SAMD5: variants seen among roughly 807,000 people sequenced by gnomAD.
The protein encoded by SAMD5 is sterile alpha motif domain containing 5, also known as sterile alpha motif domain-containing protein 5.
SAMD5 carries 13 observed loss-of-function variants against 11.3 expected under a neutral mutation model. That is an observed-to-expected ratio of 1.15 (90% CI 0.75 to 1.83). The LOEUF is 1.83. Among genes scored for constraint, SAMD5 ranks in the 40% most tolerant of loss-of-function variants. The probability of loss-of-function intolerance (pLI) is 0.00; values close to 1 mark genes in which losing one functional copy is unlikely to be tolerated. For synonymous variants in SAMD5, 129 were observed against 111.3 expected (o/e 1.16, Z -1.00); for missense variants, 255 against 239.1 (o/e 1.07, Z -0.44).
chr6:147,551,826 ATATATATATATG>A (rs1034437684), intron 1 of SAMD5, among the ~76,000 whole-genome samples: 5 of 146,404 alleles, frequency 3.4e-5, no homozygotes, highest in African/African-American at 9.9e-5. Context: ...ATATATATAT[ATATATATATATG>A]TATATATGTA....
At chr6:147,803,399 C>A in the SAMD5 span, among the ~76,000 whole-genome samples, 1 of 152,158 alleles carries the variant, frequency 6.6e-6, no homozygotes, top group Non-Finnish European at 1.5e-5. Context: ...TCACATTGGT[C>A]TCCTACACAA....
the SAMD5 span, chr6:147,743,320 A>G: frequency 6.6e-6 from 1 of 152,250 alleles, no homozygotes; most frequent in Non-Finnish European, 1.5e-5. Flanking sequence ...ATCCTGGCTA[A>G]CATGGTGAAA....
chr6:147,870,470 G>GTA, the SAMD5 span, among the ~76,000 whole-genome samples: 2 of 122,572 alleles, frequency 1.6e-5, no homozygotes, highest in Non-Finnish European at 3.6e-5. Flanking sequence ...GTGTGTGTGT[G>GTA]TGTGTGTGTG....
the SAMD5 span, among the ~76,000 whole-genome samples, chr6:147,850,899 G>A: frequency 1.3e-5 from 2 of 151,172 alleles, no homozygotes; most frequent in Non-Finnish European, 2.9e-5. Flanking sequence ...TTACTTAATG[G>A]GCCCCAAAGT....
At chr6:147,709,232 C>A (rs1791364402) in intron 1 of SAMD5, among the ~76,000 whole-genome samples, 1 of 152,000 alleles carries the variant, frequency 6.6e-6, no homozygotes, top group Non-Finnish European at 1.5e-5. Context: ...TGAGTAATTT[C>A]TTAGGTGCCT....
At chr6:147,840,327 C>T in the SAMD5 span, among the ~76,000 whole-genome samples, 1 of 152,228 alleles carries the variant, frequency 6.6e-6, no homozygotes, top group South Asian at 2.1e-4. Flanking sequence ...TGGGGTGAAA[C>T]ATATACAATC....
At chr6:147,803,297 A>G in the SAMD5 span, among the ~76,000 whole-genome samples, 1 of 152,098 alleles carries the variant, frequency 6.6e-6, no homozygotes, top group African/African-American at 2.4e-5. Flanking sequence ...AGTCATTTAA[A>G]AGATCCTGAT....
At chr6:147,591,702 A>T (rs1028381) in intron 1 of SAMD5, among the ~76,000 whole-genome samples, 16,796 of 152,176 alleles carry the variant, frequency 0.11, 1,166 homozygotes, top group Admixed American at 0.16. Flanking sequence ...TCATTTAGAA[A>T]TAGGGGATTT....
At chr6:147,944,204 T>G in the SAMD5 span, among the ~76,000 whole-genome samples, 1 of 152,200 alleles carries the variant, frequency 6.6e-6, no homozygotes, top group African/African-American at 2.4e-5. Context: ...AACCCTTGCA[T>G]GTTTAATCCT....
chr6:147,606,593 A>G (rs113110198), intron 1 of SAMD5, among the ~76,000 whole-genome samples: 1 of 151,994 alleles, frequency 6.6e-6, no homozygotes, highest in Non-Finnish European at 1.5e-5. Context: ...GACTTTTTAA[A>G]TAGAGTCTAG....
At chr6:147,707,303 TTAAG>T (rs778748201) in intron 1 of SAMD5, among the ~76,000 whole-genome samples, 3 of 152,228 alleles carry the variant, frequency 2.0e-5, no homozygotes, top group Admixed American at 1.3e-4. Flanking sequence ...TTTTTATGAC[TTAAG>T]TAATTAAAAT....
chr6:147,632,508 G>A (rs1790166462), intron 1 of SAMD5, among the ~76,000 whole-genome samples: 1 of 152,198 alleles, frequency 6.6e-6, no homozygotes, highest in African/African-American at 2.4e-5. Context: ...TATGAGAACT[G>A]TAGAGAGTGA....
the SAMD5 span, among the ~76,000 whole-genome samples, chr6:147,880,635 C>T: frequency 6.6e-6 from 1 of 152,176 alleles, no homozygotes; most frequent in African/African-American, 2.4e-5. Context: ...ACCCCTCAGA[C>T]AATCCCACTT....
At chr6:147,903,221 A>G in the SAMD5 span, among the ~76,000 whole-genome samples, 1 of 152,218 alleles carries the variant, frequency 6.6e-6, no homozygotes. Flanking sequence ...CTTTATGTTG[A>G]TTTTGTAAAA....
the SAMD5 span, among the ~76,000 whole-genome samples, chr6:147,782,227 G>T: frequency 6.6e-6 from 1 of 152,072 alleles, no homozygotes; most frequent in African/African-American, 2.4e-5. Context: ...AGGCTTAAAG[G>T]TTGAAAAAGG....
intron 1 of SAMD5, among the ~76,000 whole-genome samples, chr6:147,696,308 A>G (rs1037212547): frequency 4.0e-5 from 6 of 151,844 alleles, no homozygotes; most frequent in African/African-American, 1.5e-4. Context: ...AAGTTAATTT[A>G]TACTAAATTC....
At chr6:147,511,105 T>C (rs183850606) in intron 1 of SAMD5, among the ~76,000 whole-genome samples, 1 of 152,216 alleles carries the variant, frequency 6.6e-6, no homozygotes, top group Non-Finnish European at 1.5e-5. Flanking sequence ...AAGAAAGGAA[T>C]GCAGAGAGCA....
At chr6:147,733,362 T>C (rs1180108704) in intron 1 of SAMD5, among the ~76,000 whole-genome samples, 1 of 152,230 alleles carries the variant, frequency 6.6e-6, no homozygotes, top group East Asian at 1.9e-4. Flanking sequence ...AGTTTTTGGT[T>C]CTTTTACCTT....
intron 1 of SAMD5, among the ~76,000 whole-genome samples, chr6:147,658,644 G>C (rs1428184816): frequency 6.7e-6 from 1 of 150,022 alleles, no homozygotes; most frequent in Non-Finnish European, 1.5e-5. Context: ...GGGTGAGATT[G>C]TCATCTCCTA....
Sources: gnomAD v4.1 joint callset for allele counts (sites outside exome capture counted in the v4.1 genomes callset) on GRCh38, gnomAD v4.1.1 for gene constraint, MANE v1.5 for transcripts, NCBI Gene and HGNC (gene_info 2026-07-23, HGNC 2026-07-21) for gene names.